Variants in PRKCH observed in about 807,000 individuals in gnomAD.
PRKCH encodes the protein protein kinase C eta.
A neutral mutation model predicts 82.5 loss-of-function variants in PRKCH; 28 were observed. That is an observed-to-expected ratio of 0.34 (90% CI 0.25 to 0.47). The LOEUF (loss-of-function observed/expected upper bound fraction) is 0.47, where lower values mean the gene tolerates loss of function less well. PRKCH is among the 20% of genes least tolerant of loss of function. The pLI is 1.00. For missense variants in PRKCH, 705 were observed against 881.8 expected (o/e 0.80, Z 2.54); for synonymous variants, 322 against 327.4 (o/e 0.98, Z 0.18).
intron 1 of PRKCH, among the ~76,000 whole-genome samples, chr14:61,360,032 C>T (rs1253441205): frequency 2.0e-5 from 3 of 152,196 alleles, no homozygotes; most frequent in Non-Finnish European, 2.9e-5. Flanking sequence ...TTTTATATAG[C>T]GTATGTGGCA....
intron 1 of PRKCH, among the ~76,000 whole-genome samples, chr14:61,222,543 C>G (rs1008919670): frequency 6.6e-6 from 1 of 152,198 alleles, no homozygotes; most frequent in Non-Finnish European, 1.5e-5. Context: ...TCTGGCGTGT[C>G]AAACAAGCTA....
intron 2 of PRKCH, among the ~76,000 whole-genome samples, chr14:61,399,859 A>T (rs554041755): frequency 1.7e-4 from 26 of 152,318 alleles, no homozygotes; most frequent in East Asian, 9.6e-4. Context: ...AAACCCTGAC[A>T]AAGAACCTGT....
chr14:61,210,195 T>C (rs573225758), intron 1 of PRKCH, among the ~76,000 whole-genome samples: 7 of 141,206 alleles, frequency 5.0e-5, no homozygotes, highest in African/African-American at 1.8e-4. Flanking sequence ...GCACCTGTAA[T>C]CCCAGCTTTT....
intron 7 of PRKCH, among the ~76,000 whole-genome samples, chr14:61,454,066 G>A (rs1248500114): frequency 6.6e-6 from 1 of 150,868 alleles, no homozygotes; most frequent in African/African-American, 2.5e-5. Flanking sequence ...GAAAGCAAAA[G>A]AAGGACTTTT....
At chr14:61,213,125 A>G (rs1235227867) in intron 1 of PRKCH, among the ~76,000 whole-genome samples, 2 of 152,148 alleles carry the variant, frequency 1.3e-5, no homozygotes, top group Non-Finnish European at 1.5e-5. Flanking sequence ...GGACCAGCAC[A>G]TTTAAATTCC....
At chr14:61,496,193 G>A (rs971435053) in intron 10 of PRKCH, among the ~76,000 whole-genome samples, 2 of 152,220 alleles carry the variant, frequency 1.3e-5, no homozygotes, top group African/African-American at 4.8e-5. Context: ...CATGTGTTGA[G>A]CATTTGTCCT....
chr14:61,488,057 G>A (rs1345902245), intron 10 of PRKCH, among the ~76,000 whole-genome samples: 2 of 152,078 alleles, frequency 1.3e-5, no homozygotes, highest in African/African-American at 4.8e-5. Context: ...GGAGGCTGAG[G>A]CAGAAGAATA....
intron 9 of PRKCH, among the ~76,000 whole-genome samples, chr14:61,470,987 G>T (rs1277203062): frequency 1.3e-5 from 2 of 152,030 alleles, no homozygotes; most frequent in African/African-American, 2.4e-5. Flanking sequence ...CTGAGGGCAT[G>T]CGAAGTGGAA....
At chr14:61,358,198 G>A (rs1179759108) in intron 1 of PRKCH, among the ~76,000 whole-genome samples, 1 of 152,072 alleles carries the variant, frequency 6.6e-6, no homozygotes, top group Non-Finnish European at 1.5e-5. Context: ...TTAAAATGGG[G>A]ATAAAAATAC....
intron 1 of PRKCH, among the ~76,000 whole-genome samples, chr14:61,246,711 A>G (rs1190955489): frequency 6.6e-6 from 1 of 151,938 alleles, no homozygotes; most frequent in Admixed American, 6.6e-5. Flanking sequence ...CCCTTTAAAT[A>G]ACAACCATGT....
chr14:61,515,403 G>T (rs1273070997), intron 10 of PRKCH, among the ~76,000 whole-genome samples: 3 of 152,148 alleles, frequency 2.0e-5, no homozygotes, highest in Non-Finnish European at 4.4e-5. Context: ...AGTCACCTGT[G>T]GTGAATTCAG....
Position 61,453,425 on chromosome 14 carries a change from A to T in PRKCH, c.960+72A>T, listed in dbSNP as rs972680622. On this transcript the variant is annotated intron_variant, in intron 7 of 13. Coordinates refer to ENST00000332981, the MANE Select transcript of PRKCH (RefSeq NM_006255.5). ...AGATGTGATGAGCCCAAATGAGAGC[A>T]TGTGGCCTCATCAAAGTTCCTAATC... is the stretch of plus-strand genomic sequence containing the variant. The T allele has an allele frequency of 5.3e-6, 8 of 1,512,178 alleles. No individual in the cohort carries two copies. In the African/African-American group the frequency reaches 5.6e-5, roughly 11 times the overall value. 93.7% of individuals were successfully genotyped at this position (1,512,178 alleles called of 1,614,324 possible).
At chr14:61,442,196 A>T (rs1180707668) in intron 2 of PRKCH, among the ~76,000 whole-genome samples, 1 of 152,198 alleles carries the variant, frequency 6.6e-6, no homozygotes, top group Non-Finnish European at 1.5e-5. Flanking sequence ...TACACTAGAA[A>T]AATTCTAGTA....
At chr14:61,292,149 T>C (rs547191976) in intron 1 of PRKCH, among the ~76,000 whole-genome samples, 1 of 151,978 alleles carries the variant, frequency 6.6e-6, no homozygotes, top group Non-Finnish European at 1.5e-5. Flanking sequence ...ATGTGGCAGA[T>C]CAAACTCTGC....
chr14:61,333,661 AT>A (rs999750181), intron 1 of PRKCH, among the ~76,000 whole-genome samples: 1 of 151,974 alleles, frequency 6.6e-6, no homozygotes, highest in Non-Finnish European at 1.5e-5. Flanking sequence ...AAAAGCCTCT[AT>A]TTTTTTAAAG....
intron 1 of PRKCH, among the ~76,000 whole-genome samples, chr14:61,248,443 C>T (rs2044906986): frequency 6.6e-6 from 1 of 152,182 alleles, no homozygotes; most frequent in South Asian, 2.1e-4. Context: ...TACTGGCTGC[C>T]AACCACTCAA....
At chr14:61,451,563 C>G (rs1227615074) in intron 6 of PRKCH, among the ~76,000 whole-genome samples, 1 of 152,190 alleles carries the variant, frequency 6.6e-6, no homozygotes, top group Non-Finnish European at 1.5e-5. Context: ...AAGCTTGCAT[C>G]TCACCAGCTG....
chr14:61,235,282 A>G (rs1247179492), intron 1 of PRKCH, among the ~76,000 whole-genome samples: 1 of 152,196 alleles, frequency 6.6e-6, no homozygotes, highest in African/African-American at 2.4e-5. Context: ...GCCCTGTTCA[A>G]TTCTTTCCAT....
chr14:61,432,281 T>C (rs1216292581), intron 2 of PRKCH, among the ~76,000 whole-genome samples: 1 of 152,220 alleles, frequency 6.6e-6, no homozygotes, highest in Non-Finnish European at 1.5e-5. Flanking sequence ...TAGATGTTAT[T>C]AGTTATTCCA....
Sources: allele counts gnomAD v4.1 joint callset (sites outside exome capture counted in the v4.1 genomes callset), GRCh38; gene constraint gnomAD v4.1.1; transcripts MANE v1.5; gene names NCBI Gene and HGNC (gene_info 2026-07-23, HGNC 2026-07-21).